Variants in TBC1D22B observed in about 807,000 individuals in gnomAD.
TBC1D22B encodes chromosome 6 open reading frame 197.
In TBC1D22B, 32 loss-of-function variants were observed where a neutral mutation model predicts 69.1. The ratio of observed to expected loss-of-function variants is 0.46; its 90% CI spans 0.35 to 0.62. TBC1D22B has a LOEUF of 0.62. Ranked by LOEUF, TBC1D22B falls within the 20% of genes least tolerant of loss-of-function variation. The pLI is 0.00. For synonymous variants in TBC1D22B, 206 were observed against 229.8 expected (o/e 0.90, Z 0.94); for missense variants, 462 against 630.9 (o/e 0.73, Z 2.87).
chr6:37,296,271 TAATA>T (rs1268185676), intron 8 of TBC1D22B, among the ~76,000 whole-genome samples: 2 of 151,860 alleles, frequency 1.3e-5, no homozygotes, highest in Non-Finnish European at 1.5e-5. Flanking sequence ...CAAAAAATAA[TAATA>T]AATAAAAAAT....
At position 37,279,579 on chromosome 6, in the gene TBC1D22B, C is replaced by A. The variant is rs747318717; in HGVS notation, c.389C>A (p.Ser130Tyr). The change falls in exon 3 of 13, where the codon TCC becomes TAC. Residue 130 changes from serine (S) to tyrosine (Y), a missense_variant. Physicochemically the swap from Ser to Tyr is moderately radical, Grantham distance 144 (BLOSUM62 -2). Coordinates refer to ENST00000373491, the MANE Select transcript of TBC1D22B (RefSeq NM_017772.4). ...DVPANYKVIK[S>Y]SSDAQLSRNS... ...CCTGCCAACTACAAGGTCATAAAGT[C>A]CAGCAGTGATGCCCAGCTGTCCAGA... 28 of 1,613,166 alleles carry A rather than the reference C, an allele frequency of 1.7e-5. No individual in the cohort carries two copies. Among genetic ancestry groups the A allele is most frequent in the Non-Finnish European group, 2.4e-5 (28 of 1,179,384 alleles).
intron 8 of TBC1D22B, among the ~76,000 whole-genome samples, chr6:37,305,079 G>A (rs1043403631): frequency 1.3e-5 from 2 of 152,192 alleles, no homozygotes; most frequent in Non-Finnish European, 1.5e-5. Context: ...AGAAAAGGTA[G>A]TGTGGATCCT....
Position 37,269,660 on chromosome 6 carries a change from G to A in TBC1D22B, c.113+10G>A, listed in dbSNP as rs1281196681. On this transcript the variant is annotated intron_variant, in intron 2 of 12. Transcript: ENST00000373491. Reference sequence around the variant, plus strand: ...CACGGCTCACCAAAAAGTAAGTCAAGACATTTTCGTTTTATCTATCTACTG... The same window carrying A: ...CACGGCTCACCAAAAAGTAAGTCAAAACATTTTCGTTTTATCTATCTACTG... The A allele has an allele frequency of 2.5e-6, 4 of 1,613,930 alleles. No individual in the cohort carries two copies. The highest frequency in any genetic ancestry group is 3.4e-6 in the Non-Finnish European group (4 of 1,179,980).
In TBC1D22B at chr6:37,327,446, C is replaced by T. The variant is rs1339887723; in HGVS notation, c.1390-3598C>T. Among the ~76,000 whole-genome samples the T allele has an allele frequency of 4.0e-4, 30 of 75,874 alleles. 4 individuals carry two copies. Among genetic ancestry groups the T allele is most frequent in the African/African-American group, 2.3e-3 (28 of 12,398 alleles). The allele number at this position is 75,874 out of a possible 152,430, so 49.8% of individuals were successfully genotyped here. A position where few individuals can be genotyped will look rare whatever the true frequency, so the allele number is the denominator to read the frequency against. ...TGAGCCGAGATCGTGCCACTGCACT[C>T]CAGCCTGGGCGACAGAGCCAGACTC... is the stretch of plus-strand genomic sequence containing the variant. On this transcript the variant is annotated intron_variant, in intron 12 of 12. Coordinates refer to ENST00000373491, the MANE Select transcript of TBC1D22B (RefSeq NM_017772.4).
intron 2 of TBC1D22B, among the ~76,000 whole-genome samples, chr6:37,274,971 G>A (rs1390119166): frequency 2.0e-5 from 3 of 152,196 alleles, no homozygotes; most frequent in Non-Finnish European, 4.4e-5. Context: ...AGAATCGCTT[G>A]AACCCGGAGG....
intron 1 of TBC1D22B, 81 bp downstream of exon 1, chr6:37,258,054 GCGCCACAGAGGCCA>G: frequency 6.7e-7 from 1 of 1,498,012 alleles, no homozygotes. Flanking sequence ...CGGGCCTGGG[GCGCCACAGAGGCCA>G]GAAGACTGGT....
chr6:37,296,716 A>G (rs971530858), intron 8 of TBC1D22B, among the ~76,000 whole-genome samples: 2 of 152,102 alleles, frequency 1.3e-5, no homozygotes, highest in African/African-American at 2.4e-5. Context: ...GCAAATCTCA[A>G]TGTCAAACAT....
At position 37,331,931 on chromosome 6, in the gene TBC1D22B, G is replaced by C. The variant is rs1212641789; in HGVS notation, c.*759G>C. ...CTTGAAGAGGGATTGGGGCAGGGGA[G>C]GCAGAAGGGGCTCTCCAGACCCCTT... On this transcript the variant is annotated 3_prime_UTR_variant, in exon 13 of 13. Coordinates refer to ENST00000373491, the MANE Select transcript of TBC1D22B (RefSeq NM_017772.4). 1 of 152,632 alleles carries C rather than the reference G, an allele frequency of 6.6e-6. No homozygotes were observed. The highest frequency in any genetic ancestry group is 1.5e-5 in the Non-Finnish European group (1 of 68,046). The allele number at this position is 152,632 out of a possible 1,614,324, so 9.5% of individuals were successfully genotyped here.
At chr6:37,262,136 G>T (rs928792651) in intron 1 of TBC1D22B, among the ~76,000 whole-genome samples, 2 of 150,228 alleles carry the variant, frequency 1.3e-5, no homozygotes, top group African/African-American at 4.9e-5. Flanking sequence ...GATTAAACGA[G>T]TCTCCTGCCT....
intron 1 of TBC1D22B, among the ~76,000 whole-genome samples, chr6:37,267,461 C>T (rs1766331845): frequency 7.6e-6 from 1 of 132,016 alleles, no homozygotes; most frequent in Non-Finnish European, 1.6e-5. Flanking sequence ...TATATATACA[C>T]ATATATATAA....
intron 8 of TBC1D22B, among the ~76,000 whole-genome samples, chr6:37,300,505 G>A (rs1260695993): frequency 4.6e-5 from 7 of 152,050 alleles, no homozygotes; most frequent in African/African-American, 1.7e-4. Flanking sequence ...GGAACTACAG[G>A]CATCGCCACT....
intron 8 of TBC1D22B, among the ~76,000 whole-genome samples, chr6:37,304,357 G>A (rs562438978): frequency 6.6e-5 from 10 of 152,290 alleles, no homozygotes; most frequent in Middle Eastern, 6.8e-3. Context: ...CATATTCACA[G>A]CAACTTTATA....
chr6:37,322,815 C>T (rs767732063), intron 12 of TBC1D22B, among the ~76,000 whole-genome samples: 62 of 152,254 alleles, frequency 4.1e-4, no homozygotes, highest in Middle Eastern at 3.4e-3. Flanking sequence ...ATAATTACAA[C>T]CCAAAACCAA....
rs543738987 is a variant in TBC1D22B at position 37,283,968 on chromosome 6, T to C, written c.673-368T>C. ...TATATCCCTGCATTTCTCAGAAGTA[T>C]GGCCCTGGACACACACAGCCCTCCG... On this transcript the variant is annotated intron_variant, in intron 5 of 12. Transcript: ENST00000373491. 8.5e-5 allele frequency among the ~76,000 whole-genome samples: 13 copies of C among 152,352 alleles called. No individual in the cohort carries two copies. The East Asian group carries it at 2.3e-3, about 27-fold the overall frequency.
chr6:37,261,287 C>T (rs907239560), intron 1 of TBC1D22B, among the ~76,000 whole-genome samples: 5 of 151,870 alleles, frequency 3.3e-5, no homozygotes, highest in Admixed American at 6.6e-5. Context: ...TACAAATTAG[C>T]TGGGCTTGGT....
intron 10 of TBC1D22B, among the ~76,000 whole-genome samples, chr6:37,314,594 A>G (rs1006030471): frequency 3.3e-5 from 5 of 152,170 alleles, no homozygotes; most frequent in African/African-American, 9.7e-5. Flanking sequence ...TCTGCTGTTG[A>G]CTGATGTTTA....
chr6:37,295,149 C>T (rs1284644405), intron 8 of TBC1D22B, among the ~76,000 whole-genome samples: 1 of 152,178 alleles, frequency 6.6e-6, no homozygotes, highest in African/African-American at 2.4e-5. Flanking sequence ...GTTGCCCAGG[C>T]TGGAGTGCAG....
chr6:37,296,197 T>C (rs1373862809), intron 8 of TBC1D22B, among the ~76,000 whole-genome samples: 1 of 152,188 alleles, frequency 6.6e-6, no homozygotes, highest in Non-Finnish European at 1.5e-5. Context: ...AGGAGGCAGA[T>C]GTTGCAGTGA....
Position 37,331,577 on chromosome 6 carries a change from T to C in TBC1D22B, c.*405T>C, listed in dbSNP as rs1296747119. On this transcript the variant is annotated 3_prime_UTR_variant, in exon 13 of 13. Coordinates refer to ENST00000373491, the MANE Select transcript of TBC1D22B (RefSeq NM_017772.4). Reference sequence around the variant, plus strand: ...TTGATCACAGGTCAAAAACGCCTTATATTTTCGAAAGACTCCTGGCCCCTC... The same window carrying C: ...TTGATCACAGGTCAAAAACGCCTTACATTTTCGAAAGACTCCTGGCCCCTC... 4 of 154,730 alleles carry C rather than the reference T, an allele frequency of 2.6e-5. No individual in the cohort carries two copies. Among genetic ancestry groups the C allele is most frequent in the African/African-American group, 9.6e-5 (4 of 41,452 alleles). The allele number at this position is 154,730 out of a possible 1,614,324, so 9.6% of individuals were successfully genotyped here.
Sources: allele counts gnomAD v4.1 joint callset (sites outside exome capture counted in the v4.1 genomes callset), GRCh38; gene constraint gnomAD v4.1.1; transcripts MANE v1.5; gene names NCBI Gene and HGNC (gene_info 2026-07-23, HGNC 2026-07-21).